Variants in PPM1E observed in about 807,000 individuals in gnomAD.
PPM1E encodes the protein protein phosphatase, Mg2+/Mn2+ dependent 1E, also known as protein phosphatase 1E.
Under a neutral mutation model 65.9 loss-of-function variants are expected in PPM1E, and 20 were observed. The observed-to-expected ratio is 0.30, with a 90% CI of 0.21 to 0.44. The LOEUF is 0.44. Ranked by LOEUF, PPM1E falls within the 20% of genes least tolerant of loss-of-function variation. The pLI, the probability that PPM1E is intolerant of heterozygous loss-of-function variation, is 1.00. For synonymous variants in PPM1E, 352 were observed against 374.9 expected (o/e 0.94, Z 0.70); for missense variants, 713 against 953.1 (o/e 0.75, Z 3.32).
intron 1 of PPM1E, among the ~76,000 whole-genome samples, chr17:58,827,595 T>C (rs575793416): frequency 6.6e-6 from 1 of 152,144 alleles, no homozygotes; most frequent in South Asian, 2.1e-4. Context: ...CATGAGAACC[T>C]ATAAATTTAA....
chr17:58,900,905 C>A (rs1171034560), intron 1 of PPM1E, among the ~76,000 whole-genome samples: 3 of 152,132 alleles, frequency 2.0e-5, no homozygotes, highest in Admixed American at 6.5e-5. Flanking sequence ...AGACATTATT[C>A]TAAGCACACA....
In PPM1E at chr17:58,955,500, G is replaced by T. The variant is rs141355825; in HGVS notation, c.465-149G>T. ...TCAATATATATCCAGTGCCCAGAGT[G>T]CCTACTCAATAAATATTTATTGAAT... On this transcript the variant is annotated intron_variant, in intron 1 of 6. Coordinates refer to ENST00000308249, the MANE Select transcript of PPM1E (RefSeq NM_014906.5). 7 of 841,406 alleles carry T rather than the reference G, an allele frequency of 8.3e-6. No homozygotes were observed. The East Asian group carries it at 1.9e-4, about 23-fold the overall frequency. The allele number at this position is 841,406 out of a possible 1,614,324, so 52.1% of individuals were successfully genotyped here. A position where few individuals can be genotyped will look rare whatever the true frequency, so the allele number is the denominator to read the frequency against.
intron 1 of PPM1E, among the ~76,000 whole-genome samples, chr17:58,863,271 G>A (rs2050961797): frequency 6.6e-6 from 1 of 152,222 alleles, no homozygotes; most frequent in Non-Finnish European, 1.5e-5. Flanking sequence ...CCCTTTGTGA[G>A]ACTCATGAAG....
intron 1 of PPM1E, among the ~76,000 whole-genome samples, chr17:58,833,153 G>A (rs1302262543): frequency 6.6e-6 from 1 of 151,562 alleles, no homozygotes; most frequent in Non-Finnish European, 1.5e-5. Flanking sequence ...AGTTCTACAG[G>A]ATTTTATCAC....
chr17:58,922,890 G>A (rs535068378), intron 1 of PPM1E, among the ~76,000 whole-genome samples: 28 of 151,838 alleles, frequency 1.8e-4, no homozygotes, highest in Non-Finnish European at 3.7e-4. Flanking sequence ...TCACCATATT[G>A]GCCAAGATGG....
intron 1 of PPM1E, among the ~76,000 whole-genome samples, chr17:58,935,971 C>G (rs372908539): frequency 1.3e-5 from 2 of 148,302 alleles, no homozygotes; most frequent in Admixed American, 6.8e-5. Flanking sequence ...TCTCTCCCCC[C>G]TCCCGCCACC....
intron 6 of PPM1E, among the ~76,000 whole-genome samples, chr17:58,976,625 G>A (rs2031011858): frequency 6.6e-6 from 1 of 152,180 alleles, no homozygotes; most frequent in South Asian, 2.1e-4. Flanking sequence ...ATGGAGAGAA[G>A]AGGTTGAAGA....
intron 1 of PPM1E, among the ~76,000 whole-genome samples, chr17:58,828,176 G>T (rs184447619): frequency 6.6e-6 from 1 of 151,274 alleles, no homozygotes; most frequent in East Asian, 1.9e-4. Context: ...CTGAGATCAC[G>T]CCACTGTACT....
At chr17:58,906,196 C>T (rs1307967942) in intron 1 of PPM1E, among the ~76,000 whole-genome samples, 1 of 151,920 alleles carries the variant, frequency 6.6e-6, no homozygotes, top group Non-Finnish European at 1.5e-5. Flanking sequence ...TAGTGATGTC[C>T]CATCTTTCAT....
At chr17:58,891,118 C>G (rs1055456367) in intron 1 of PPM1E, among the ~76,000 whole-genome samples, 3 of 151,988 alleles carry the variant, frequency 2.0e-5, no homozygotes, top group Admixed American at 2.0e-4. Context: ...TTACATGTAC[C>G]ACCACGCCCA....
At chr17:58,810,356 G>C (rs747970988) in intron 1 of PPM1E, among the ~76,000 whole-genome samples, 7 of 151,876 alleles carry the variant, frequency 4.6e-5, no homozygotes, top group African/African-American at 1.7e-4. Flanking sequence ...ACAGGCACGC[G>C]CCACCATGCC....
chr17:58,952,134 T>A (rs149607985), intron 1 of PPM1E, among the ~76,000 whole-genome samples: 1 of 152,344 alleles, frequency 6.6e-6, no homozygotes, highest in Non-Finnish European at 1.5e-5. Context: ...TTTGTGAGTA[T>A]CCCAATGGCC....
At chr17:58,852,258 G>A (rs1171278214) in intron 1 of PPM1E, among the ~76,000 whole-genome samples, 1 of 151,964 alleles carries the variant, frequency 6.6e-6, no homozygotes, top group Non-Finnish European at 1.5e-5. Flanking sequence ...CCTGCTCCGT[G>A]GGCTGCACCC....
At chr17:58,930,250 T>TACACACAC (rs377147999) in intron 1 of PPM1E, among the ~76,000 whole-genome samples, 39 of 143,292 alleles carry the variant, frequency 2.7e-4, no homozygotes, top group East Asian at 1.0e-3. Flanking sequence ...TAAATGTATA[T>TACACACAC]ACACACACAC....
At chr17:58,863,096 T>A (rs909675496) in intron 1 of PPM1E, among the ~76,000 whole-genome samples, 6 of 152,218 alleles carry the variant, frequency 3.9e-5, no homozygotes, top group Non-Finnish European at 5.9e-5. Flanking sequence ...GCTAATGATT[T>A]GGGAAATAAT....
intron 1 of PPM1E, among the ~76,000 whole-genome samples, chr17:58,859,407 T>C (rs2050916097): frequency 6.6e-6 from 1 of 152,226 alleles, no homozygotes; most frequent in African/African-American, 2.4e-5. Flanking sequence ...ATTTGCATTT[T>C]CCCCTTTTTA....
intron 1 of PPM1E, among the ~76,000 whole-genome samples, chr17:58,877,648 A>T (rs1202218027): frequency 6.6e-6 from 1 of 152,206 alleles, no homozygotes; most frequent in Non-Finnish European, 1.5e-5. Flanking sequence ...TTTGTTTTAA[A>T]TATTTTTATA....
intron 1 of PPM1E, among the ~76,000 whole-genome samples, chr17:58,762,765 GC>G (rs1182285315): frequency 6.6e-6 from 1 of 151,466 alleles, no homozygotes; most frequent in Non-Finnish European, 1.5e-5. Flanking sequence ...GGGCATAGTG[GC>G]GGGCGCCTGT....
At chr17:58,819,480 G>A (rs532153003) in intron 1 of PPM1E, among the ~76,000 whole-genome samples, 33 of 152,166 alleles carry the variant, frequency 2.2e-4, no homozygotes, top group African/African-American at 7.7e-4. Context: ...TACATTTTTT[G>A]TTTCTTGAAT....
Sources: gnomAD v4.1 joint callset for allele counts (sites outside exome capture counted in the v4.1 genomes callset) on GRCh38, gnomAD v4.1.1 for gene constraint, MANE v1.5 for transcripts, NCBI Gene and HGNC (gene_info 2026-07-23, HGNC 2026-07-21) for gene names.